Variants in AGXT2 observed in about 807,000 individuals in gnomAD.
The protein encoded by AGXT2 is alanine--glyoxylate aminotransferase 2, mitochondrial.
A neutral mutation model predicts 62.5 loss-of-function variants in AGXT2; 61 were observed. The observed-to-expected ratio is 0.98, with a 90% CI of 0.79 to 1.21. AGXT2 has a LOEUF of 1.21. AGXT2 is among the 50% of genes most tolerant of loss of function. AGXT2 has a pLI of 0.00. For synonymous variants in AGXT2, 243 were observed against 218.7 expected (o/e 1.11, Z -0.98); for missense variants, 666 against 641.5 (o/e 1.04, Z -0.41).
chr5:35,020,445 G>T (rs1767024898), intron 9 of AGXT2, among the ~76,000 whole-genome samples: 1 of 152,126 alleles, frequency 6.6e-6, no homozygotes, highest in African/African-American at 2.4e-5. Context: ...ATGTAATCCA[G>T]CATATAAGCA....
At chr5:35,008,474 G>A (rs1054909979) in intron 12 of AGXT2, among the ~76,000 whole-genome samples, 22 of 152,206 alleles carry the variant, frequency 1.4e-4, no homozygotes, top group Non-Finnish European at 2.9e-4. Flanking sequence ...AACCCCTTGG[G>A]TGGAGATTAG....
At position 35,040,607 on chromosome 5, in the gene AGXT2, G is replaced by A. The variant is rs762076497; in HGVS notation, c.145C>T (p.Pro49Ser). ...CTTTCAGGCATGAAGTCACATGGAGGCATTCTGGGCTTTGTATGAAGACTG... is the reference window on the plus strand; with the variant it reads ...CTTTCAGGCATGAAGTCACATGGAGACATTCTGGGCTTTGTATGAAGACTG... The part of the protein sequence containing the change: ...KLSLHTKPRM[P>S]PCDFMPERYQ... The change falls in exon 2 of 14, where the codon CCT (proline) becomes TCT (serine). Residue 49 changes from proline to serine, a missense_variant. By Grantham distance (74) the Pro-to-Ser change is moderately conservative. Transcript: ENST00000231420. The A allele has an allele frequency of 3.1e-6, 5 of 1,613,830 alleles. No homozygotes were observed. In the East Asian group the frequency reaches 1.1e-4, roughly 36 times the overall value.
At chr5:34,999,809 G>A (rs10472256) in intron 13 of AGXT2, among the ~76,000 whole-genome samples, 4,008 of 152,198 alleles carry the variant, frequency 0.026, 165 homozygotes, top group African/African-American at 0.093. Flanking sequence ...CTTTCCTAAA[G>A]GCTCAGAGAA....
Position 35,039,410 on chromosome 5 carries a change from G to A in AGXT2, c.276C>T (p.His92=). The A allele has an allele frequency of 1.9e-6, 3 of 1,614,140 alleles. No individual in the cohort carries two copies. The highest frequency in any genetic ancestry group is 2.5e-6 in the Non-Finnish European group (3 of 1,179,968). Residue 92 remains histidine (H), a synonymous_variant, in exon 3 of 14, where the codon CAC becomes CAT. Coordinates refer to ENST00000231420, the MANE Select transcript of AGXT2 (RefSeq NM_031900.4). ...CTTCAGCATCAAAGAGCCACTCCAT[G>A]TGCCCCTGGTGGAGCAGCAGGGGTT... ...FQKPLLLHQG[H]MEWLFDAEGS...
chr5:35,032,704 C>T, intron 7 of AGXT2, 28 bp downstream of exon 7: 1 of 1,570,904 alleles, frequency 6.4e-7, no homozygotes, highest in South Asian at 1.2e-5. Context: ...TCCAACACTC[C>T]ACTGGCACCC....
At chr5:35,020,252 C>G (rs1014231684) in intron 9 of AGXT2, among the ~76,000 whole-genome samples, 2 of 152,082 alleles carry the variant, frequency 1.3e-5, no homozygotes, top group African/African-American at 4.8e-5. Flanking sequence ...ATACCAAAGC[C>G]GGGCAGAGAC....
chr5:35,012,279 A>G lies in AGXT2; in HGVS notation c.1188+675T>C, dbSNP rs184653640. 9.1e-4 allele frequency: 138 copies of G among 151,716 alleles called. 1 individual carries two copies. The highest frequency in any genetic ancestry group is 3.3e-3 in the African/African-American group (136 of 41,396). 9.4% of individuals were successfully genotyped at this position (151,716 alleles called of 1,614,324 possible). ...TAAATATATATGTGTATGTATATAT[A>G]TAAATATCAGCAAGTATAAAAGTAT... On this transcript the variant is annotated intron_variant, in intron 11 of 13. Transcript: ENST00000231420.
At chr5:35,047,695 G>C (rs954232989) in intron 1 of AGXT2, 110 bp downstream of exon 1, 4 of 1,407,006 alleles carry the variant, frequency 2.8e-6, no homozygotes, top group Non-Finnish European at 3.8e-6. Flanking sequence ...TCATCTCTAA[G>C]ACCTCACCCA....
chr5:35,011,765 T>C (rs115151139), intron 11 of AGXT2, among the ~76,000 whole-genome samples: 316 of 152,054 alleles, frequency 2.1e-3, no homozygotes, highest in Middle Eastern at 6.8e-3. Context: ...CAATCCCACT[T>C]CTGGGTATCT....
intron 1 of AGXT2, 69 bp downstream of exon 1, chr5:35,047,736 C>A: frequency 1.3e-6 from 2 of 1,573,606 alleles, no homozygotes; most frequent in East Asian, 2.3e-5. Flanking sequence ...CAGGCAGCAG[C>A]CTTCGGAGCT....
intron 3 of AGXT2, 104 bp downstream of exon 3, chr5:35,039,220 A>T (rs1694647306): frequency 1.9e-5 from 26 of 1,344,928 alleles, no homozygotes; most frequent in Non-Finnish European, 2.7e-5. Context: ...TGTCATAGAT[A>T]TTTTTAAACC....
chr5:35,041,352 A>G (rs1178386588), intron 1 of AGXT2, among the ~76,000 whole-genome samples: 1 of 151,714 alleles, frequency 6.6e-6, no homozygotes, highest in Non-Finnish European at 1.5e-5. Flanking sequence ...GTCAAAATGC[A>G]TACTTTATAG....
intron 12 of AGXT2, among the ~76,000 whole-genome samples, chr5:35,008,870 C>A (rs1258873109): frequency 1.3e-5 from 2 of 152,184 alleles, no homozygotes; most frequent in African/African-American, 2.4e-5. Flanking sequence ...CTATTCCTCC[C>A]TACTCCCAAG....
chr5:35,000,671 G>A (rs547713545), intron 13 of AGXT2, among the ~76,000 whole-genome samples: 5 of 152,314 alleles, frequency 3.3e-5, no homozygotes, highest in South Asian at 2.1e-4. Context: ...GTGAGCCACC[G>A]TGCCCGGCCT....
intron 9 of AGXT2, among the ~76,000 whole-genome samples, chr5:35,014,890 A>G (rs1766794516): frequency 6.6e-6 from 1 of 152,228 alleles, no homozygotes; most frequent in Non-Finnish European, 1.5e-5. Context: ...GCTCCAGCCC[A>G]GTTAAACTGG....
intron 13 of AGXT2, among the ~76,000 whole-genome samples, chr5:35,001,140 AT>A (rs1766213991): frequency 1.3e-5 from 2 of 152,186 alleles, no homozygotes; most frequent in East Asian, 1.9e-4. Flanking sequence ...AATATTCTCA[AT>A]TTAGGAGGGG....
intron 2 of AGXT2, among the ~76,000 whole-genome samples, chr5:35,039,757 A>T (rs1329234118): frequency 6.6e-6 from 1 of 152,226 alleles, no homozygotes; most frequent in Admixed American, 6.5e-5. Flanking sequence ...CTACCTAGCA[A>T]TGAAAAGCCT....
chr5:35,033,259 C>G, intron 6 of AGXT2: 1 of 582,194 alleles, frequency 1.7e-6, no homozygotes, highest in Non-Finnish European at 3.1e-6. Flanking sequence ...TTTTAAAACT[C>G]TGTCATTAAT....
chr5:35,004,089 C>T (rs1766335892), intron 12 of AGXT2, among the ~76,000 whole-genome samples: 1 of 152,184 alleles, frequency 6.6e-6, no homozygotes, highest in Non-Finnish European at 1.5e-5. Flanking sequence ...AATCCGAATT[C>T]ATCCCAAATT....
Sources: gnomAD v4.1 joint callset for allele counts (sites outside exome capture counted in the v4.1 genomes callset) on GRCh38, gnomAD v4.1.1 for gene constraint, MANE v1.5 for transcripts, NCBI Gene and HGNC (gene_info 2026-07-23, HGNC 2026-07-21) for gene names.